MGAT4A: variants seen among roughly 807,000 people sequenced by gnomAD.
MGAT4A encodes the protein alpha-1,3-mannosyl-glycoprotein 4-beta-N-acetylglucosaminyltransferase A, also known as N-acetylglucosaminyltransferase IVa.
A neutral mutation model predicts 74.1 loss-of-function variants in MGAT4A; 33 were observed. The observed-to-expected ratio is 0.45, with a 90% CI of 0.34 to 0.60. The LOEUF is 0.60. Among genes scored for constraint, MGAT4A ranks in the 20% least tolerant of loss-of-function variants. The pLI is 0.02. For synonymous variants in MGAT4A, 198 were observed against 210.4 expected (o/e 0.94, Z 0.51); for missense variants, 479 against 628.3 (o/e 0.76, Z 2.54).
intron 10 of MGAT4A, 45 bp downstream of exon 10, chr2:98,643,878 A>G: frequency 3.5e-6 from 5 of 1,426,400 alleles, no homozygotes; most frequent in Non-Finnish European, 4.6e-6. Context: ...CTTTCACGAA[A>G]TACAGAAGTG....
intron 4 of MGAT4A, among the ~76,000 whole-genome samples, chr2:98,673,096 A>G (rs921710447): frequency 2.6e-5 from 4 of 151,990 alleles, no homozygotes; most frequent in Non-Finnish European, 5.9e-5. Flanking sequence ...AAGGATACAG[A>G]TGTGGTGCTG....
chr2:98,641,083 C>T (rs1048878053), intron 10 of MGAT4A, among the ~76,000 whole-genome samples: 1 of 152,172 alleles, frequency 6.6e-6, no homozygotes, highest in African/African-American at 2.4e-5. Context: ...CGTTCCATCT[C>T]AACCTGTCCT....
chr2:98,663,023 C>A, intron 5 of MGAT4A, 23 bp downstream of exon 5: 1 of 1,449,670 alleles, frequency 6.9e-7, no homozygotes, highest in Non-Finnish European at 9.2e-7. Flanking sequence ...TTGGTAAAAA[C>A]ATAACAACAA....
chr2:98,719,926 C>T (rs750512706), intron 2 of MGAT4A, among the ~76,000 whole-genome samples: 2 of 152,210 alleles, frequency 1.3e-5, no homozygotes, highest in Non-Finnish European at 2.9e-5. Flanking sequence ...GGATTACAGG[C>T]ATGAGCCACC....
chr2:98,680,838 TGAA>T (rs1702048986), intron 2 of MGAT4A, among the ~76,000 whole-genome samples: 1 of 152,248 alleles, frequency 6.6e-6, no homozygotes, highest in South Asian at 2.1e-4. Flanking sequence ...AAGTTTTATG[TGAA>T]GAAAAGTACA....
intron 8 of MGAT4A, among the ~76,000 whole-genome samples, chr2:98,653,068 G>GT (rs1701604593): frequency 1.3e-5 from 2 of 150,630 alleles, no homozygotes; most frequent in Non-Finnish European, 3.0e-5. Flanking sequence ...CAACCAATGG[G>GT]TCAAAGAAGA....
chr2:98,678,575 G>A (rs1702012698), intron 2 of MGAT4A, 104 bp from the exon 3 acceptor site: 2 of 688,102 alleles, frequency 2.9e-6, no homozygotes, highest in South Asian at 1.1e-4. Context: ...GAGTTTTTCA[G>A]AAGAAAATAT....
intron 2 of MGAT4A, among the ~76,000 whole-genome samples, chr2:98,721,554 AAC>A (rs1422562568): frequency 2.6e-5 from 4 of 152,180 alleles, no homozygotes; most frequent in Non-Finnish European, 4.4e-5. Flanking sequence ...AGGAAATAAT[AAC>A]ACATAAAAAT....
At chr2:98,636,384 A>AG in intron 13 of MGAT4A, 133 bp downstream of exon 13, 1 of 662,234 alleles carries the variant, frequency 1.5e-6, no homozygotes, top group Non-Finnish European at 2.6e-6. Context: ...TATTTCAAAA[A>AG]AAATTAATAT....
chr2:98,667,761 C>A (rs1701857157), intron 4 of MGAT4A, among the ~76,000 whole-genome samples: 1 of 151,696 alleles, frequency 6.6e-6, no homozygotes, highest in Non-Finnish European at 1.5e-5. Context: ...ATCTTGTGGC[C>A]CAGGCTGGAG....
At chr2:98,679,829 C>T (rs578208708) in intron 2 of MGAT4A, among the ~76,000 whole-genome samples, 3 of 152,040 alleles carry the variant, frequency 2.0e-5, no homozygotes, top group Non-Finnish European at 4.4e-5. Flanking sequence ...GTAGAAGAGG[C>T]TCAAGCACAG....
At chr2:98,640,796 T>C (rs1378969095) in intron 10 of MGAT4A, among the ~76,000 whole-genome samples, 4 of 152,136 alleles carry the variant, frequency 2.6e-5, no homozygotes, top group Non-Finnish European at 5.9e-5. Flanking sequence ...ATTTCAACCA[T>C]CCTTCAACAC....
At chr2:98,682,548 T>C (rs1702075958) in intron 2 of MGAT4A, among the ~76,000 whole-genome samples, 1 of 151,940 alleles carries the variant, frequency 6.6e-6, no homozygotes, top group Non-Finnish European at 1.5e-5. Flanking sequence ...CAGGTATTTA[T>C]ATCATCTCAA....
At chr2:98,713,462 A>C (rs4850883) in intron 2 of MGAT4A, among the ~76,000 whole-genome samples, 60 of 151,538 alleles carry the variant, frequency 4.0e-4, no homozygotes, top group South Asian at 2.3e-3. Flanking sequence ...AAAAAAAAAA[A>C]AAACAAACAA....
chr2:98,684,150 T>C (rs1221058673), intron 2 of MGAT4A, among the ~76,000 whole-genome samples: 2 of 152,244 alleles, frequency 1.3e-5, no homozygotes, highest in African/African-American at 2.4e-5. Context: ...AGGAAGAGAA[T>C]TGTTTATCTG....
chr2:98,641,529 G>A (rs1701409367), intron 10 of MGAT4A, among the ~76,000 whole-genome samples: 1 of 145,558 alleles, frequency 6.9e-6, no homozygotes, highest in Non-Finnish European at 1.5e-5. Flanking sequence ...AAAATTAGCC[G>A]GGCGTGGTGG....
At chr2:98,717,746 G>A (rs1702611985) in intron 2 of MGAT4A, among the ~76,000 whole-genome samples, 1 of 152,028 alleles carries the variant, frequency 6.6e-6, no homozygotes, top group Non-Finnish European at 1.5e-5. Flanking sequence ...TTACTGTTCT[G>A]CAGCTCTCTC....
At chr2:98,628,636 C>T (rs553142386) in intron 14 of MGAT4A, among the ~76,000 whole-genome samples, 2 of 152,322 alleles carry the variant, frequency 1.3e-5, no homozygotes, top group East Asian at 1.9e-4. Flanking sequence ...AGCCTAATAA[C>T]GTACAGCTCT....
chr2:98,647,400 T>C (rs550362860), intron 8 of MGAT4A, among the ~76,000 whole-genome samples: 2 of 152,302 alleles, frequency 1.3e-5, no homozygotes, highest in South Asian at 2.1e-4. Context: ...CTGTAACCTC[T>C]GCCTCTTGGG....
Sources: gnomAD v4.1 joint callset for allele counts (sites outside exome capture counted in the v4.1 genomes callset) on GRCh38, gnomAD v4.1.1 for gene constraint, MANE v1.5 for transcripts, NCBI Gene and HGNC (gene_info 2026-07-23, HGNC 2026-07-21) for gene names.